LRRK1: variants seen among roughly 807,000 people sequenced by gnomAD.
LRRK1 encodes the protein leucine rich repeat kinase 1, also known as leucine-rich repeat serine/threonine-protein kinase 1.
Under a neutral mutation model 209.1 loss-of-function variants are expected in LRRK1, and 113 were observed. The ratio of observed to expected loss-of-function variants is 0.54; its 90% CI spans 0.46 to 0.63. The LOEUF is 0.63. Ranked by LOEUF, LRRK1 falls within the 30% of genes least tolerant of loss-of-function variation. LRRK1 has a pLI of 0.00. For missense variants in LRRK1, 2,284 were observed against 2,632.2 expected (o/e 0.87, Z 2.89); for synonymous variants, 1,144 against 1,099.7 (o/e 1.04, Z -0.80).
chr15:100,955,140 C>G (rs2042727913), intron 2 of LRRK1, among the ~76,000 whole-genome samples: 1 of 152,106 alleles, frequency 6.6e-6, no homozygotes, highest in South Asian at 2.1e-4. Context: ...TCCATGGAGA[C>G]AGGATATCTT....
At chr15:100,971,853 T>G (rs1325845869) in intron 2 of LRRK1, among the ~76,000 whole-genome samples, 1 of 152,250 alleles carries the variant, frequency 6.6e-6, no homozygotes, top group Non-Finnish European at 1.5e-5. Context: ...GGGATCAAAT[T>G]TTTAGCTCCC....
intron 2 of LRRK1, among the ~76,000 whole-genome samples, chr15:100,953,093 C>T (rs1031161026): frequency 6.6e-6 from 1 of 152,120 alleles, no homozygotes; most frequent in African/African-American, 2.4e-5. Context: ...TTAATGAACA[C>T]ATCTACCATT....
chr15:101,065,806 G>A lies in LRRK1; in HGVS notation c.5369G>A (p.Arg1790Gln), dbSNP rs749481480. 66 of 1,614,020 alleles carry A rather than the reference G, an allele frequency of 4.1e-5. No individual in the cohort carries two copies. Among genetic ancestry groups the A allele is most frequent in the Middle Eastern group, 3.3e-4 (2 of 6,058 alleles). ...CCCCTCAGGGACATGTTTCCCGTGC[G>A]GCCCTTGGACACGGAACCCCCGGCA... ...PSPLRDMFPV[R>Q]PLDTEPPAAS... is the part of the protein sequence containing the mutation. Residue 1790 changes from arginine (R) to glutamine (Q), a missense_variant, in exon 32 of 34, where the codon CGG (arginine) becomes CAG (glutamine). Physicochemically the swap from Arg to Gln is conservative, Grantham distance 43. This residue lies in a region of LRRK1 where 643 missense variants were observed against 695.9 expected (regional missense o/e 0.92). Coordinates refer to ENST00000388948, the MANE Select transcript of LRRK1 (RefSeq NM_024652.6).
Position 101,039,663 on chromosome 15 carries a change from CAG to C in LRRK1, c.2964-6317_2964-6316del, listed in dbSNP as rs2034652901. ...GAGAAGGCGTCATTCTGTGTGATCT[CAG>C]GGGGGAAGCATTCAGTCTTTCACCA... On this transcript the variant is annotated intron_variant, in intron 20 of 33. Transcript: ENST00000388948. 7.2e-5 allele frequency among the ~76,000 whole-genome samples: 11 copies of C among 152,266 alleles called. 1 individual carries two copies. The South Asian group carries it at 2.3e-3, about 32-fold the overall frequency.
intron 20 of LRRK1, among the ~76,000 whole-genome samples, chr15:101,043,498 G>T (rs1248241330): frequency 6.6e-6 from 1 of 152,202 alleles, no homozygotes; most frequent in East Asian, 1.9e-4. Flanking sequence ...ACAACTTTCA[G>T]ATTGTTTTAT....
chr15:100,972,160 A>C (rs1192845808), intron 2 of LRRK1, among the ~76,000 whole-genome samples: 2 of 151,654 alleles, frequency 1.3e-5, no homozygotes, highest in African/African-American at 4.8e-5. Flanking sequence ...ACGGGGTTTC[A>C]CCATGTTGGC....
At position 101,077,652 on chromosome 15, in the gene LRRK1, C is replaced by T. The variant is rs1464431071; in HGVS notation, c.*8804C>T. ...ACAACCGCACAATATCACCCCTTAC[C>T]ACAAGACCTCCCTTCAGCTTAATCT... On this transcript the variant is annotated 3_prime_UTR_variant, in exon 34 of 34. Coordinates refer to ENST00000388948, the MANE Select transcript of LRRK1 (RefSeq NM_024652.6). 6.6e-6 allele frequency: 1 copy of T among 152,116 alleles called. No individual in the cohort carries two copies. The highest frequency in any genetic ancestry group is 2.4e-5 in the African/African-American group (1 of 41,402). The allele number at this position is 152,116 out of a possible 1,614,324, so 9.4% of individuals were successfully genotyped here.
intron 4 of LRRK1, among the ~76,000 whole-genome samples, chr15:100,984,413 G>A (rs1452840650): frequency 1.3e-5 from 2 of 152,136 alleles, no homozygotes; most frequent in African/African-American, 4.8e-5. Flanking sequence ...TGTCCATCAT[G>A]ACAGTATTAC....
chr15:100,932,252 C>A (rs575421309), intron 2 of LRRK1, among the ~76,000 whole-genome samples: 26 of 152,334 alleles, frequency 1.7e-4, no homozygotes, highest in African/African-American at 6.3e-4. Flanking sequence ...TCCCAAAGTG[C>A]TGAGATTACA....
chr15:100,929,275 C>A (rs991702556), intron 2 of LRRK1, among the ~76,000 whole-genome samples: 3 of 142,494 alleles, frequency 2.1e-5, no homozygotes, highest in African/African-American at 7.3e-5. Flanking sequence ...AGTGGCTCGC[C>A]CCCCCAGCTC....
rs373434869 is a variant in LRRK1 at position 101,008,952 on chromosome 15, T to G, written c.878T>G (p.Leu293Arg). 1 of 1,613,830 alleles carries G rather than the reference T, an allele frequency of 6.2e-7. No homozygotes were observed. Among genetic ancestry groups the G allele is most frequent in the Non-Finnish European group, 8.5e-7 (1 of 1,179,968 alleles). ...CTTTCTGCCAACTGCCTGGCGACCC[T>G]CCCCTCGGTTATCCCCTGGGGCCTC... ...LDLSANCLATLPSVIPWGLIN... is the reference protein window; with the variant it reads ...LDLSANCLATRPSVIPWGLIN... The change falls in exon 7 of 34, where the codon CTC becomes CGC. Residue 293 changes from leucine to arginine, a missense_variant. By Grantham distance (102) the Leu-to-Arg change is moderately radical. Coordinates refer to ENST00000388948, the MANE Select transcript of LRRK1 (RefSeq NM_024652.6).
chr15:101,065,126 A>C, intron 31 of LRRK1: 1 of 588,196 alleles, frequency 1.7e-6, no homozygotes. Flanking sequence ...TGGGTGGCAC[A>C]TTCCTTTCTT....
chr15:101,048,129 C>T (rs960413080), intron 21 of LRRK1, among the ~76,000 whole-genome samples: 1 of 151,326 alleles, frequency 6.6e-6, no homozygotes, highest in Non-Finnish European at 1.5e-5. Flanking sequence ...ATAATATATA[C>T]CAAAATCTGA....
chr15:100,982,454 G>T (rs2031656544), intron 3 of LRRK1, among the ~76,000 whole-genome samples: 1 of 152,206 alleles, frequency 6.6e-6, no homozygotes, highest in South Asian at 2.1e-4. Flanking sequence ...GTGGTCTTGG[G>T]CAAGCTCTGA....
chr15:100,940,525 G>A (rs897850213), intron 2 of LRRK1, among the ~76,000 whole-genome samples: 6 of 151,998 alleles, frequency 3.9e-5, no homozygotes, highest in African/African-American at 1.5e-4. Flanking sequence ...GTCCTTCAAC[G>A]GTGTCTCTGC....
Position 101,024,481 on chromosome 15 carries a change from A to G in LRRK1, c.2068-322A>G, listed in dbSNP as rs1269701009. 6.6e-6 allele frequency among the ~76,000 whole-genome samples: 1 copy of G among 152,160 alleles called. No individual in the cohort carries two copies. Among genetic ancestry groups the G allele is most frequent in the African/African-American group, 2.4e-5 (1 of 41,428 alleles). On this transcript the variant is annotated intron_variant, in intron 15 of 33. Transcript: ENST00000388948. This position sits in a 1 kb window ranked among gnomAD's most constrained non-coding sequence, Gnocchi z 4.6. ...GAACCCCAGTGCAAGCCGTGACATCAGAGCACAGCTTCCTCCCACAGGGCA... is the reference window on the plus strand; with the variant it reads ...GAACCCCAGTGCAAGCCGTGACATCGGAGCACAGCTTCCTCCCACAGGGCA...
intron 2 of LRRK1, among the ~76,000 whole-genome samples, chr15:100,965,155 A>G (rs2030374397): frequency 1.3e-5 from 2 of 152,236 alleles, no homozygotes; most frequent in Non-Finnish European, 2.9e-5. Flanking sequence ...TTACTCTTTC[A>G]GAATACTGAA....
chr15:101,053,781 G>A (rs1459299422), intron 26 of LRRK1, among the ~76,000 whole-genome samples: 1 of 130,780 alleles, frequency 7.6e-6, no homozygotes, highest in Non-Finnish European at 1.8e-5. Flanking sequence ...ACACGTACAC[G>A]GCTGCTGAGA....
chr15:101,030,149 C>T (rs2034218140), intron 20 of LRRK1, among the ~76,000 whole-genome samples: 1 of 152,142 alleles, frequency 6.6e-6, no homozygotes. Context: ...TTCTTGCTCC[C>T]CAGCACCTGC....
Sources: gnomAD v4.1 joint callset for allele counts (sites outside exome capture counted in the v4.1 genomes callset) on GRCh38, gnomAD v4.1.1 for gene constraint, gnomAD v4.1.1 regional missense constraint, Gnocchi (gnomAD v3.1) non-coding constraint, MANE v1.5 for transcripts, NCBI Gene and HGNC (gene_info 2026-07-23, HGNC 2026-07-21) for gene names.